The following PCNX2 variants were observed in gnomAD, a reference collection of about 807,000 sequenced individuals.
PCNX2 encodes pecanex 2.
Under a neutral mutation model 223.8 loss-of-function variants are expected in PCNX2, and 168 were observed. The observed-to-expected ratio is 0.75, with a 90% CI of 0.66 to 0.85. The LOEUF (loss-of-function observed/expected upper bound fraction) is 0.85. Ranked by LOEUF, PCNX2 falls within the 40% of genes least tolerant of loss-of-function variation. The pLI is 0.00. For synonymous variants in PCNX2, 1,006 were observed against 1,052.6 expected (o/e 0.96, Z 0.86); for missense variants, 2,507 against 2,675.5 (o/e 0.94, Z 1.39).
chr1:233,317,415 AAAAC>A, the PCNX2 span, among the ~76,000 whole-genome samples: 142 of 150,788 alleles, frequency 9.4e-4, 2 homozygotes, highest in East Asian at 0.015. Context: ...CTCTGTCTCA[AAAAC>A]AAACAAACAA....
At chr1:233,223,687 C>T (rs1657530294) in intron 10 of PCNX2, among the ~76,000 whole-genome samples, 1 of 152,094 alleles carries the variant, frequency 6.6e-6, no homozygotes, top group African/African-American at 2.4e-5. Context: ...TGTTCAACTC[C>T]CACTTATGAG....
At chr1:233,261,444 A>G in intron 3 of PCNX2, 123 bp from the exon 4 acceptor site, 1 of 834,742 alleles carries the variant, frequency 1.2e-6, no homozygotes, top group Non-Finnish European at 2.0e-6. Context: ...GAGACAATAC[A>G]GTGTTCACTC....
At chr1:233,194,361 T>C (rs1170897346) in intron 15 of PCNX2, among the ~76,000 whole-genome samples, 1 of 151,984 alleles carries the variant, frequency 6.6e-6, no homozygotes, top group Non-Finnish European at 1.5e-5. Flanking sequence ...AGTTTATGAC[T>C]AGCAGACCTG....
chr1:233,253,696 A>C lies in PCNX2; in HGVS notation c.1835-908T>G, dbSNP rs1257460003. ...CACTGTGTAGGACACAGAGAGCTACAATACCTATTCCTTGCCCTGAGAACA... is the reference window on the plus strand; with the variant it reads ...CACTGTGTAGGACACAGAGAGCTACCATACCTATTCCTTGCCCTGAGAACA... On this transcript the variant is annotated intron_variant, in intron 5 of 33. Transcript: ENST00000258229. This position sits in a 1 kb window ranked among gnomAD's most constrained non-coding sequence, Gnocchi z 4.2. Among the ~76,000 whole-genome samples the C allele has an allele frequency of 6.6e-6, 1 of 152,194 alleles. No homozygotes were observed. The highest frequency in any genetic ancestry group is 2.4e-5 in the African/African-American group (1 of 41,454).
Position 233,200,219 on chromosome 1 carries a change from G to A in PCNX2, c.2909C>T (p.Pro970Leu), listed in dbSNP as rs1434309400. The A allele has an allele frequency of 5.6e-6, 9 of 1,592,946 alleles. 1 individual carries two copies. Among genetic ancestry groups the A allele is most frequent in the South Asian group, 3.4e-5 (3 of 87,104 alleles). ...ATAAGTGCAGAAAGTGTTGATTTGC[G>A]GGAAGAGCCCAAGGAGGGAAATAGC... ...FPAISLLGLF[P>L]QINTFCTYLL... is the part of the protein sequence containing the mutation. Residue 970 changes from proline to leucine, a missense_variant, in exon 14 of 34, where the codon CCG (proline) becomes CTG (leucine). By Grantham distance (98) the Pro-to-Leu change is moderately conservative (BLOSUM62 -3). Coordinates refer to ENST00000258229, the MANE Select transcript of PCNX2 (RefSeq NM_014801.4).
At chr1:233,141,012 G>A (rs760410377) in intron 19 of PCNX2, among the ~76,000 whole-genome samples, 1 of 151,918 alleles carries the variant, frequency 6.6e-6, no homozygotes, top group Non-Finnish European at 1.5e-5. Context: ...TTACACCTCT[G>A]GAATCACATT....
chr1:233,199,964 G>T (rs75456108), intron 14 of PCNX2, among the ~76,000 whole-genome samples, 190 bp downstream of exon 14: 1,973 of 152,196 alleles, frequency 0.013, 22 homozygotes, highest in South Asian at 0.038. Context: ...CAAGCTAAGT[G>T]GACCTCTTCC....
In PCNX2 at chr1:232,999,246, CAGG is replaced by C. The variant is rs763294057; in HGVS notation, c.5459_5461del (p.Ser1820del). ...CATGGGGTACCCCAGGGGCTGATCGCAGGAGGAGTTAATCAAGTTCCGCAGGAC... is the reference window on the plus strand; with the variant it reads ...CATGGGGTACCCCAGGGGCTGATCGCAGGAGTTAATCAAGTTCCGCAGGAC... On this transcript the variant is annotated inframe_deletion, in exon 31 of 34. Transcript: ENST00000258229. The C allele has an allele frequency of 6.2e-7, 1 of 1,613,722 alleles. No individual in the cohort carries two copies. The highest frequency in any genetic ancestry group is 1.7e-5 in the Admixed American group (1 of 59,976).
At chr1:233,286,041 A>G (rs1444348089) in intron 1 of PCNX2, among the ~76,000 whole-genome samples, 1 of 152,234 alleles carries the variant, frequency 6.6e-6, no homozygotes, top group Admixed American at 6.5e-5. Context: ...AGAGATTCCA[A>G]TGCAAATTTC....
intron 26 of PCNX2, among the ~76,000 whole-genome samples, chr1:233,022,268 T>C (rs1293064095): frequency 2.0e-5 from 3 of 152,226 alleles, no homozygotes; most frequent in Non-Finnish European, 4.4e-5. Flanking sequence ...AGAACCTTTG[T>C]TCATTCAGTA....
intron 21 of PCNX2, among the ~76,000 whole-genome samples, chr1:233,103,969 A>C: frequency 6.6e-6 from 1 of 152,190 alleles, no homozygotes; most frequent in East Asian, 1.9e-4. Context: ...TTTGGATAAA[A>C]GCCAGGTGAT....
At chr1:233,073,022 G>C (rs2102906836) in intron 23 of PCNX2, among the ~76,000 whole-genome samples, 2 of 152,222 alleles carry the variant, frequency 1.3e-5, no homozygotes, top group South Asian at 4.1e-4. Flanking sequence ...CTTTTTCTTT[G>C]TAGGGAGTTT....
chr1:233,218,448 C>T lies in PCNX2; in HGVS notation c.2505-264G>A, dbSNP rs1035694141. Among the ~76,000 whole-genome samples, 4 of 151,972 alleles carry T rather than the reference C, an allele frequency of 2.6e-5. No individual in the cohort carries two copies. The South Asian group carries it at 8.3e-4, about 32-fold the overall frequency. On this transcript the variant is annotated intron_variant, in intron 10 of 33. Transcript: ENST00000258229. Reference sequence around the variant, plus strand: ...ATTTTTTTTAGTAGAGATGGGGTTTCACAATGTTAGTCAGGATGGTCTTGA... The same window carrying T: ...ATTTTTTTTAGTAGAGATGGGGTTTTACAATGTTAGTCAGGATGGTCTTGA...
intron 8 of PCNX2, among the ~76,000 whole-genome samples, chr1:233,238,302 G>C (rs1658540785): frequency 6.6e-6 from 1 of 152,156 alleles, no homozygotes; most frequent in African/African-American, 2.4e-5. Flanking sequence ...TCATGATAAA[G>C]TTTCTGACAA....
At chr1:233,310,532 T>C in the PCNX2 span, among the ~76,000 whole-genome samples, 2 of 152,134 alleles carry the variant, frequency 1.3e-5, no homozygotes, top group Non-Finnish European at 2.9e-5. Context: ...TGCAACTGAG[T>C]TCTGGAACAG....
chr1:233,163,171 A>C (rs905404650), intron 17 of PCNX2, among the ~76,000 whole-genome samples: 5 of 152,058 alleles, frequency 3.3e-5, no homozygotes, highest in Non-Finnish European at 5.9e-5. Flanking sequence ...AATTGGTACC[A>C]AAAAGCCACA....
intron 6 of PCNX2, 50 bp from the exon 7 acceptor site, chr1:233,252,549 T>C (rs1221478747): frequency 9.4e-6 from 15 of 1,588,848 alleles, no homozygotes; most frequent in African/African-American, 1.4e-5. Context: ...TTCCTCCTTA[T>C]CCTTGATAAA....
the PCNX2 span, among the ~76,000 whole-genome samples, chr1:233,324,082 A>G: frequency 1.3e-5 from 2 of 152,268 alleles, no homozygotes; most frequent in Non-Finnish European, 2.9e-5. Context: ...GCCAGCTACA[A>G]CATTCCCTTA....
chr1:233,038,197 A>G (rs1671523630), intron 25 of PCNX2, among the ~76,000 whole-genome samples: 1 of 152,220 alleles, frequency 6.6e-6, no homozygotes, highest in African/African-American at 2.4e-5. Flanking sequence ...CAAATCACTA[A>G]GTATACATTG....
Sources: gnomAD v4.1 joint callset for allele counts (sites outside exome capture counted in the v4.1 genomes callset) on GRCh38, gnomAD v4.1.1 for gene constraint, Gnocchi (gnomAD v3.1) non-coding constraint, MANE v1.5 for transcripts, NCBI Gene and HGNC (gene_info 2026-07-23, HGNC 2026-07-21) for gene names.